RBFOX1: variants seen among roughly 807,000 people sequenced by gnomAD.
RBFOX1 encodes RNA binding fox-1 homolog 1.
Under a neutral mutation model 57.7 loss-of-function variants are expected in RBFOX1, and 8 were observed. The observed-to-expected ratio is 0.14, with a 90% confidence interval of 0.08 to 0.25. The LOEUF (loss-of-function observed/expected upper bound fraction) is 0.25. Among genes scored for constraint, RBFOX1 ranks in the 10% least tolerant of loss-of-function variants. The pLI is 1.00. For missense variants in RBFOX1, 611 were observed against 548.5 expected (o/e 1.11, Z -1.14); for synonymous variants, 326 against 222.4 (o/e 1.47, Z -4.15).
chr16:6,914,983 G>A (rs2072748581), intron 3 of RBFOX1, among the ~76,000 whole-genome samples: 1 of 152,238 alleles, frequency 6.6e-6, no homozygotes, highest in African/African-American at 2.4e-5. Context: ...TATTATTACA[G>A]CACTATTGCC....
intron 5 of RBFOX1, among the ~76,000 whole-genome samples, chr16:7,569,320 A>T (rs577326036): frequency 7.1e-4 from 108 of 152,292 alleles, no homozygotes; most frequent in Admixed American, 1.7e-3. Flanking sequence ...TGATATTTCT[A>T]TAGGCTCATA....
intron 3 of RBFOX1, among the ~76,000 whole-genome samples, chr16:5,728,149 G>A (rs1276547331): frequency 6.6e-6 from 1 of 152,220 alleles, no homozygotes; most frequent in African/African-American, 2.4e-5. Context: ...AGAGATATCT[G>A]TGTCATCACG....
At chr16:5,512,066 C>T (rs375823782) in intron 2 of RBFOX1, among the ~76,000 whole-genome samples, 5 of 152,260 alleles carry the variant, frequency 3.3e-5, no homozygotes, top group East Asian at 1.9e-4. Flanking sequence ...TGGATGCACA[C>T]GGTGGCAATG....
At chr16:5,702,051 A>T (rs535942378) in intron 3 of RBFOX1, among the ~76,000 whole-genome samples, 1 of 152,328 alleles carries the variant, frequency 6.6e-6, no homozygotes, top group East Asian at 1.9e-4. Context: ...AAATCTAGCC[A>T]TAAGTAGCTA....
chr16:7,510,241 G>T lies in RBFOX1; in HGVS notation c.28-7906G>T, dbSNP rs368408961. The stretch of plus-strand genomic sequence containing the variant: ...TCGTAATTGAGGCGTGCTTGGGGCA[G>T]ATGCTTTGTGGTGTGGGACAAGAAC... On this transcript the variant is annotated intron_variant, in intron 4 of 15. Coordinates refer to ENST00000550418, the MANE Select transcript of RBFOX1 (RefSeq NM_018723.4). The T allele has an allele frequency of 6.1e-6, 6 of 985,810 alleles. No individual in the cohort carries two copies. The African/African-American group carries it at 1.0e-4, about 17-fold the overall frequency. 61.1% of individuals were successfully genotyped at this position (985,810 alleles called of 1,614,324 possible). A position where few individuals can be genotyped will look rare whatever the true frequency, so the allele number is the denominator to read the frequency against.
In RBFOX1 at chr16:7,516,637, G is replaced by A. The variant is rs529150545; in HGVS notation, c.28-1510G>A. Among the ~76,000 whole-genome samples the A allele has an allele frequency of 8.2e-4, 125 of 152,168 alleles. 1 individual carries two copies. The highest frequency in any genetic ancestry group is 1.6e-3 in the Non-Finnish European group (109 of 68,026). ...ATGTTAGAAAGAGAAAGAAATGCTC[G>A]TGCCCTTTTGTTTCCAGTGGCACAG... On this transcript the variant is annotated intron_variant, in intron 4 of 15. Transcript: ENST00000550418.
At chr16:6,952,403 T>C (rs1160246340) in intron 3 of RBFOX1, among the ~76,000 whole-genome samples, 1 of 152,130 alleles carries the variant, frequency 6.6e-6, no homozygotes, top group Admixed American at 6.5e-5. Context: ...TCCCAGCACT[T>C]TGTGAGGCCA....
At chr16:5,547,211 A>C (rs1441333357) in intron 2 of RBFOX1, among the ~76,000 whole-genome samples, 4 of 152,208 alleles carry the variant, frequency 2.6e-5, no homozygotes, top group African/African-American at 9.7e-5. Flanking sequence ...AACTGGTTCA[A>C]CATGCACCTG....
chr16:6,902,240 TCA>T (rs1352797988), intron 3 of RBFOX1, among the ~76,000 whole-genome samples: 1 of 152,174 alleles, frequency 6.6e-6, no homozygotes, highest in Non-Finnish European at 1.5e-5. Context: ...TACATGTAAC[TCA>T]CAGTTTCTGT....
intron 2 of RBFOX1, among the ~76,000 whole-genome samples, chr16:6,357,610 G>A (rs1334984745): frequency 6.7e-6 from 1 of 150,140 alleles, no homozygotes; most frequent in East Asian, 2.0e-4. Context: ...GCTCCCGCTT[G>A]TGCTCTCTCT....
chr16:5,424,612 C>T (rs1478762496), intron 1 of RBFOX1, among the ~76,000 whole-genome samples: 1 of 151,788 alleles, frequency 6.6e-6, no homozygotes, highest in Non-Finnish European at 1.5e-5. Context: ...GTACAGCAAA[C>T]CACCATGGCA....
intron 4 of RBFOX1, among the ~76,000 whole-genome samples, chr16:5,963,692 A>C (rs553086630): frequency 6.6e-6 from 1 of 152,284 alleles, no homozygotes; most frequent in South Asian, 2.1e-4. Context: ...TAATGGGACA[A>C]CTGGATATCC....
At chr16:6,316,647 C>T (rs571427763) in intron 1 of RBFOX1, among the ~76,000 whole-genome samples, 1 of 152,148 alleles carries the variant, frequency 6.6e-6, no homozygotes, top group African/African-American at 2.4e-5. Flanking sequence ...GAGAAGAATA[C>T]AGAAGAGTAC....
chr16:5,641,236 C>G (rs986437722), intron 3 of RBFOX1, among the ~76,000 whole-genome samples: 1 of 152,216 alleles, frequency 6.6e-6, no homozygotes, highest in African/African-American at 2.4e-5. Flanking sequence ...CACATACACA[C>G]ATGTACCAAC....
At chr16:5,580,449 C>T (rs1017417976) in intron 2 of RBFOX1, among the ~76,000 whole-genome samples, 1 of 152,194 alleles carries the variant, frequency 6.6e-6, no homozygotes, top group Admixed American at 6.5e-5. Context: ...AGTGGTTGTA[C>T]GGATGGCCCC....
chr16:7,175,673 C>T (rs1419815276), intron 4 of RBFOX1, among the ~76,000 whole-genome samples: 11 of 152,352 alleles, frequency 7.2e-5, no homozygotes, highest in African/African-American at 2.6e-4. Context: ...TTGAAAGCCA[C>T]GTGTTACCCT....
At chr16:7,560,159 C>A (rs1012296496) in intron 5 of RBFOX1, among the ~76,000 whole-genome samples, 1 of 152,226 alleles carries the variant, frequency 6.6e-6, no homozygotes, top group African/African-American at 2.4e-5. Context: ...TCATGTAAAT[C>A]TCTCTACATC....
Position 6,097,461 on chromosome 16 carries a change from A to T in RBFOX1, c.-127+77469A>T, listed in dbSNP as rs1396206031. Among the ~76,000 whole-genome samples, 2 of 152,200 alleles carry T rather than the reference A, an allele frequency of 1.3e-5. No individual in the cohort carries two copies. Among genetic ancestry groups the T allele is most frequent in the African/African-American group, 4.8e-5 (2 of 41,440 alleles). Reference sequence around the variant, plus strand: ...TGAGAGATGCAGATTCTTGGTGCCCATCCAAACCTACAGAAGCAGAATCTC... The same window carrying T: ...TGAGAGATGCAGATTCTTGGTGCCCTTCCAAACCTACAGAAGCAGAATCTC... On this transcript the variant is annotated intron_variant, in intron 1 of 15. Coordinates refer to ENST00000550418, the MANE Select transcript of RBFOX1 (RefSeq NM_018723.4). The surrounding 1 kb of genome is among the most constrained non-coding windows in gnomAD (Gnocchi z 5.0).
chr16:5,765,309 A>C (rs1246950222), intron 3 of RBFOX1, among the ~76,000 whole-genome samples: 1 of 152,214 alleles, frequency 6.6e-6, no homozygotes, highest in African/African-American at 2.4e-5. Flanking sequence ...TGTGGTTTAT[A>C]AAAGGTCAAG....
Sources: gnomAD v4.1 joint callset for allele counts (sites outside exome capture counted in the v4.1 genomes callset) on GRCh38, gnomAD v4.1.1 for gene constraint, Gnocchi (gnomAD v3.1) non-coding constraint, MANE v1.5 for transcripts, NCBI Gene and HGNC (gene_info 2026-07-23, HGNC 2026-07-21) for gene names.